TRIM36: variants seen among roughly 807,000 people sequenced by gnomAD.
The protein encoded by TRIM36 is tripartite motif containing 36.
In TRIM36, 42 loss-of-function variants were observed where a neutral mutation model predicts 72.4. That is an observed-to-expected ratio of 0.58 (90% CI 0.45 to 0.75). The LOEUF (loss-of-function observed/expected upper bound fraction) is 0.75. Ranked by LOEUF, TRIM36 falls within the 30% of genes least tolerant of loss-of-function variation. TRIM36 has a pLI of 0.00. For missense variants in TRIM36, 913 were observed against 857.1 expected, an observed-to-expected ratio of 1.07 and a Z score of -0.81; for synonymous variants, 315 against 282.8, an observed-to-expected ratio of 1.11 and a Z score of -1.14.
At chr5:115,160,912 C>G (rs1003003213) in intron 2 of TRIM36, among the ~76,000 whole-genome samples, 2 of 151,964 alleles carry the variant, frequency 1.3e-5, no homozygotes, top group African/African-American at 4.8e-5. Context: ...GAATATTACT[C>G]ATGAATCTAC....
chr5:115,150,937 C>T (rs868252744), intron 2 of TRIM36, among the ~76,000 whole-genome samples: 5 of 152,148 alleles, frequency 3.3e-5, no homozygotes, highest in Non-Finnish European at 5.9e-5. Flanking sequence ...GGGGTCCTTC[C>T]GGAGAACGGC....
In TRIM36 at chr5:115,137,009, A is replaced by G; in HGVS notation, c.1201T>C (p.Phe401Leu). ...QTELLGELSF[F>L]SSGIDVPEIN... ...CTTCATTAAGACTTACCACTAGAGAAAAAGGATAATTCTCCAAGAAGTTCT... is the reference window on the plus strand; with the variant it reads ...CTTCATTAAGACTTACCACTAGAGAGAAAGGATAATTCTCCAAGAAGTTCT... The change falls in exon 7 of 10, where the codon TTC becomes CTC. Residue 401 changes from phenylalanine (F) to leucine (L), a missense_variant. Physicochemically the swap from Phe to Leu is conservative, Grantham distance 22 (BLOSUM62 0). Coordinates refer to ENST00000513154, the MANE Select transcript of TRIM36 (RefSeq NM_001300759.2). The G allele has an allele frequency of 6.3e-7, 1 of 1,595,884 alleles. No homozygotes were observed. Among genetic ancestry groups the G allele is most frequent in the Admixed American group, 1.8e-5 (1 of 55,656 alleles).
chr5:115,171,038 T>G (rs1409124941), upstream of TRIM36: 1 of 1,609,026 alleles, frequency 6.2e-7, no homozygotes, highest in African/African-American at 1.3e-5. Flanking sequence ...GTATTAGGCT[T>G]TAAGAACAGA....
chr5:115,126,720 T>C lies in TRIM36; in HGVS notation c.1934A>G (p.Asn645Ser). The C allele has an allele frequency of 1.2e-6, 2 of 1,614,180 alleles. No homozygotes were observed. Among genetic ancestry groups the C allele is most frequent in the Non-Finnish European group, 1.7e-6 (2 of 1,180,030 alleles). The change falls in exon 10 of 10, where the codon AAT becomes AGT. Residue 645 changes from asparagine (N) to serine (S), a missense_variant. Transcript: ENST00000513154. ...ACTTGTTGGCATAGGGAGAACTCTA[T>C]TTTCAGGTTCATTAGAAGAAGTAGG... ...KSPTSSNEPE[N>S]RVLPMPTSIG...
chr5:115,165,321 T>C (rs1243303531), intron 1 of TRIM36, among the ~76,000 whole-genome samples: 2 of 152,224 alleles, frequency 1.3e-5, no homozygotes, highest in African/African-American at 2.4e-5. Context: ...TGCACTGCCC[T>C]AGCAGAGGTT....
intron 2 of TRIM36, among the ~76,000 whole-genome samples, chr5:115,154,442 A>G (rs754098111): frequency 6.6e-6 from 1 of 152,210 alleles, no homozygotes; most frequent in Admixed American, 6.5e-5. Flanking sequence ...ATACACCATT[A>G]GCAAAATTAA....
At chr5:115,141,443 T>C in intron 4 of TRIM36, 69 bp from the exon 5 acceptor site, 1 of 1,041,690 alleles carries the variant, frequency 9.6e-7, no homozygotes, top group South Asian at 1.6e-5. Context: ...AGAATTTTTT[T>C]TTAATTACAC....
chr5:115,134,845 A>T (rs1333429725), intron 7 of TRIM36, among the ~76,000 whole-genome samples: 2 of 152,174 alleles, frequency 1.3e-5, no homozygotes, highest in Admixed American at 1.3e-4. Flanking sequence ...CGGCCTCTCA[A>T]TGAATATTTT....
intron 2 of TRIM36, among the ~76,000 whole-genome samples, chr5:115,157,894 A>T (rs913728399): frequency 6.6e-6 from 1 of 152,204 alleles, no homozygotes; most frequent in Non-Finnish European, 1.5e-5. Flanking sequence ...GGTCTCACTC[A>T]TAAGTGGGAG....
At chr5:115,168,645 C>A (rs1211187098) in intron 1 of TRIM36, among the ~76,000 whole-genome samples, 1 of 152,162 alleles carries the variant, frequency 6.6e-6, no homozygotes, top group Non-Finnish European at 1.5e-5. Context: ...CTGCATCACT[C>A]AAATATGTGA....
At chr5:115,168,706 C>A (rs187741611) in intron 1 of TRIM36, among the ~76,000 whole-genome samples, 2 of 152,316 alleles carry the variant, frequency 1.3e-5, no homozygotes, top group African/African-American at 4.8e-5. Context: ...AATAAGATAA[C>A]TAAACCTCAC....
Position 115,125,420 on chromosome 5 carries a change from T to C in TRIM36, c.*1083A>G, listed in dbSNP as rs1428092238. On this transcript the variant is annotated 3_prime_UTR_variant, in exon 10 of 10. Coordinates refer to ENST00000513154, the MANE Select transcript of TRIM36 (RefSeq NM_001300759.2). Reference sequence around the variant, plus strand: ...TTTCTAAGTAATTAAATTTGTATTTTTACTTGCTTATATTAGAAATGCTTA... The same window carrying C: ...TTTCTAAGTAATTAAATTTGTATTTCTACTTGCTTATATTAGAAATGCTTA... 1 of 152,116 alleles carries C rather than the reference T, an allele frequency of 6.6e-6. No individual in the cohort carries two copies. Among genetic ancestry groups the C allele is most frequent in the African/African-American group, 2.4e-5 (1 of 41,450 alleles). 9.4% of individuals were successfully genotyped at this position (152,116 alleles called of 1,614,324 possible). A position where few individuals can be genotyped will look rare whatever the true frequency, so the allele number is the denominator to read the frequency against.
intron 3 of TRIM36, among the ~76,000 whole-genome samples, chr5:115,146,177 GAC>G (rs1472708697): frequency 2.0e-5 from 3 of 152,256 alleles, no homozygotes; most frequent in South Asian, 4.1e-4. Context: ...CTACCAGACT[GAC>G]ACAGTTTGAG....
At chr5:115,140,950 T>A (rs927009808) in intron 5 of TRIM36, among the ~76,000 whole-genome samples, 4 of 152,226 alleles carry the variant, frequency 2.6e-5, no homozygotes, top group African/African-American at 7.2e-5. Flanking sequence ...ATTAATTTTT[T>A]AAAATATAAT....
intron 8 of TRIM36, among the ~76,000 whole-genome samples, chr5:115,132,950 G>A (rs1262368126): frequency 6.6e-6 from 1 of 152,158 alleles, no homozygotes; most frequent in Non-Finnish European, 1.5e-5. Flanking sequence ...TATAATTTTA[G>A]CCAATCTTCC....
chr5:115,169,680 C>G lies in TRIM36; in HGVS notation c.-46G>C, dbSNP rs1345376041. 2.0e-6 allele frequency: 3 copies of G among 1,513,934 alleles called. No individual in the cohort carries two copies. Among genetic ancestry groups the G allele is most frequent in the Non-Finnish European group, 2.6e-6 (3 of 1,135,186 alleles). The allele number at this position is 1,513,934 out of a possible 1,614,324, so 93.8% of individuals were successfully genotyped here. ...CATCAGCGGCACGTTCCACTCACACCGGCTACCGAGCGCAGGGTCTGGTGG... is the reference window on the plus strand; with the variant it reads ...CATCAGCGGCACGTTCCACTCACACGGGCTACCGAGCGCAGGGTCTGGTGG... On this transcript the variant is annotated 5_prime_UTR_variant, in exon 1 of 10. Transcript: ENST00000513154.
At chr5:115,137,311 C>A in intron 6 of TRIM36, 52 bp downstream of exon 6, 1 of 1,556,280 alleles carries the variant, frequency 6.4e-7, no homozygotes, top group Non-Finnish European at 8.7e-7. Flanking sequence ...TACACAGCAG[C>A]ATTTAATAAC....
At chr5:115,144,952 T>A (rs952148754) in intron 3 of TRIM36, among the ~76,000 whole-genome samples, 1 of 152,198 alleles carries the variant, frequency 6.6e-6, no homozygotes, top group African/African-American at 2.4e-5. Context: ...AAATGATTAA[T>A]ACGTAGATGT....
intron 7 of TRIM36, among the ~76,000 whole-genome samples, chr5:115,136,245 C>A (rs1445218599): frequency 6.6e-6 from 1 of 151,918 alleles, no homozygotes; most frequent in African/African-American, 2.4e-5. Flanking sequence ...TAGAATGGGC[C>A]CTACTCCAAT....
Sources: allele counts gnomAD v4.1 joint callset (sites outside exome capture counted in the v4.1 genomes callset), GRCh38; gene constraint gnomAD v4.1.1; transcripts MANE v1.5; gene names NCBI Gene and HGNC (gene_info 2026-07-23, HGNC 2026-07-21).